SMPD3: variants seen among roughly 807,000 people sequenced by gnomAD.
SMPD3 encodes the protein nSMase-2.
A neutral mutation model predicts 55.7 loss-of-function variants in SMPD3; 21 were observed. That is an observed-to-expected ratio of 0.38 (90% CI 0.27 to 0.54). The LOEUF is 0.54. SMPD3 is among the 20% of genes least tolerant of loss of function. The pLI is 0.80. For synonymous variants in SMPD3, 457 were observed against 404.3 expected, an observed-to-expected ratio of 1.13 and a Z score of -1.56; for missense variants, 842 against 899.6, an observed-to-expected ratio of 0.94 and a Z score of 0.82.
chr16:68,397,522 C>T (rs1807722413), intron 1 of SMPD3, among the ~76,000 whole-genome samples: 1 of 152,196 alleles, frequency 6.6e-6, no homozygotes, highest in African/African-American at 2.4e-5. Flanking sequence ...GTTCTCCATA[C>T]AGAAGCCAGA....
intron 1 of SMPD3, among the ~76,000 whole-genome samples, chr16:68,430,557 T>C (rs1464702071): frequency 6.6e-6 from 1 of 152,182 alleles, no homozygotes; most frequent in Non-Finnish European, 1.5e-5. Context: ...CCCTTCATTC[T>C]GAGTTCAGCA....
chr16:68,413,764 A>G (rs566003171), intron 1 of SMPD3, among the ~76,000 whole-genome samples: 36 of 152,168 alleles, frequency 2.4e-4, no homozygotes, highest in Non-Finnish European at 4.9e-4. Flanking sequence ...AAGGACATGA[A>G]ATCAGTGATT....
rs2089666274 is a variant in SMPD3 at position 68,371,468 on chromosome 16, G to A, written c.714C>T (p.Ser238=). The A allele has an allele frequency of 1.3e-6, 2 of 1,597,122 alleles. No individual in the cohort carries two copies. The highest frequency in any genetic ancestry group is 1.3e-5 in the African/African-American group (1 of 74,874). The change falls in exon 3 of 9, where the codon AGC becomes AGT. Residue 238 remains serine (S), a synonymous_variant. Coordinates refer to ENST00000219334, the MANE Select transcript of SMPD3 (RefSeq NM_018667.4). ...PASGDPVDSS[S]PEDACIVRIG... The stretch of plus-strand genomic sequence containing the variant: ...TGCGCACGATGCAGGCATCCTCCGG[G>A]CTGCTGCTGTCGACAGGGTCCCCAG...
At chr16:68,372,854 G>A (rs897004747) in intron 2 of SMPD3, among the ~76,000 whole-genome samples, 4 of 152,212 alleles carry the variant, frequency 2.6e-5, no homozygotes, top group African/African-American at 7.2e-5. Context: ...GTCATGGAGT[G>A]CCTGCCAGCT....
At chr16:68,431,768 A>G (rs1377485713) in intron 1 of SMPD3, among the ~76,000 whole-genome samples, 6 of 152,274 alleles carry the variant, frequency 3.9e-5, no homozygotes, top group Admixed American at 3.9e-4. Flanking sequence ...CTAAAAATAC[A>G]AATATTAGCC....
intron 1 of SMPD3, among the ~76,000 whole-genome samples, chr16:68,430,891 G>A (rs955344213): frequency 2.0e-5 from 3 of 152,120 alleles, no homozygotes; most frequent in Non-Finnish European, 4.4e-5. Flanking sequence ...GCAGAATGTC[G>A]TGTCAAGTGG....
chr16:68,392,468 A>G (rs1316372487), intron 1 of SMPD3, among the ~76,000 whole-genome samples: 1 of 152,192 alleles, frequency 6.6e-6, no homozygotes, highest in South Asian at 2.1e-4. Context: ...GAATGGGCAT[A>G]TAGGGATGTA....
rs57767309 is a variant in SMPD3 at position 68,398,039 on chromosome 16, C to CAGGG, written c.-268-11384_-268-11381dup. Among the ~76,000 whole-genome samples, 307 of 140,220 alleles carry CAGGG rather than the reference C, an allele frequency of 2.2e-3. 8 individuals are homozygous for CAGGG. The South Asian group carries it at 0.061, about 28-fold the overall frequency. 92.0% of individuals were successfully genotyped at this position (140,220 alleles called of 152,430 possible). On this transcript the variant is annotated intron_variant, in intron 1 of 8. Transcript: ENST00000219334. Reference sequence around the variant, plus strand: ...TGGTTCTGGGATGTTGGGGCTTCGTCAGGGAGGGAGGGAGGGAGGGAGTCC... The same window carrying CAGGG: ...TGGTTCTGGGATGTTGGGGCTTCGTCAGGGAGGGAGGGAGGGAGGGAGGGAGTCC...
intron 3 of SMPD3, chr16:68,368,235 G>C (rs1212098328): frequency 6.6e-6 from 1 of 152,422 alleles, no homozygotes; most frequent in Non-Finnish European, 1.5e-5. Context: ...CCATGAGGTG[G>C]TGTGGCCACA....
intron 1 of SMPD3, among the ~76,000 whole-genome samples, chr16:68,422,635 G>T (rs1488318448): frequency 5.3e-5 from 8 of 152,296 alleles, no homozygotes; most frequent in Non-Finnish European, 4.4e-5. Context: ...GATGCTGAGG[G>T]TTTGGAGAAA....
intron 1 of SMPD3, among the ~76,000 whole-genome samples, chr16:68,387,765 A>G (rs11646700): frequency 0.39 from 59,142 of 152,110 alleles, 14,313 homozygotes; most frequent in East Asian, 0.8. Flanking sequence ...AGGGTGACCT[A>G]TCACTCTTCA....
chr16:68,437,292 C>A (rs2090530266), intron 1 of SMPD3, among the ~76,000 whole-genome samples: 2 of 152,352 alleles, frequency 1.3e-5, no homozygotes, highest in South Asian at 4.1e-4. Context: ...CCATTCCAAA[C>A]ATCCGTGCCT....
At chr16:68,390,740 C>T (rs996487741) in intron 1 of SMPD3, among the ~76,000 whole-genome samples, 1 of 152,198 alleles carries the variant, frequency 6.6e-6, no homozygotes, top group East Asian at 1.9e-4. Flanking sequence ...TTACCCAGCA[C>T]CTATTCAAGA....
chr16:68,427,945 G>A (rs1296849331), intron 1 of SMPD3, among the ~76,000 whole-genome samples: 1 of 152,172 alleles, frequency 6.6e-6, no homozygotes, highest in East Asian at 1.9e-4. Context: ...ACCCAGAAAT[G>A]CAAAGGAAAG....
intron 1 of SMPD3, among the ~76,000 whole-genome samples, chr16:68,403,157 C>G (rs1343497965): frequency 6.6e-6 from 1 of 152,252 alleles, no homozygotes; most frequent in Non-Finnish European, 1.5e-5. Flanking sequence ...ATAGCTTTCC[C>G]TGACCATCCC....
chr16:68,362,331 G>A (rs1175075566), intron 7 of SMPD3, among the ~76,000 whole-genome samples: 2 of 152,222 alleles, frequency 1.3e-5, no homozygotes, highest in Non-Finnish European at 2.9e-5. Flanking sequence ...CTGTCATCCC[G>A]CTTCTGAGTG....
chr16:68,388,966 G>A (rs1310443932), intron 1 of SMPD3, among the ~76,000 whole-genome samples: 1 of 152,114 alleles, frequency 6.6e-6, no homozygotes, highest in Non-Finnish European at 1.5e-5. Flanking sequence ...GCCTCCCTCT[G>A]CCAGCTACCC....
At chr16:68,432,861 G>A (rs1428459891) in intron 1 of SMPD3, among the ~76,000 whole-genome samples, 1 of 152,108 alleles carries the variant, frequency 6.6e-6, no homozygotes, top group East Asian at 1.9e-4. Context: ...CTGGAGTGCA[G>A]TGGTGCGATT....
intron 1 of SMPD3, among the ~76,000 whole-genome samples, chr16:68,446,071 G>A (rs892780278): frequency 1.4e-4 from 22 of 152,200 alleles, no homozygotes; most frequent in African/African-American, 4.8e-4. Context: ...GCCTTGCAAC[G>A]TAGTCCTGCA....
Sources: gnomAD v4.1 joint callset for allele counts (sites outside exome capture counted in the v4.1 genomes callset) on GRCh38, gnomAD v4.1.1 for gene constraint, MANE v1.5 for transcripts, NCBI Gene and HGNC (gene_info 2026-07-23, HGNC 2026-07-21) for gene names.